NDUFA11: variants seen among roughly 807,000 people sequenced by gnomAD.
The protein encoded by NDUFA11 is NADH dehydrogenase [ubiquinone] 1 alpha subcomplex subunit 11.
In NDUFA11, 14 loss-of-function variants were observed where a neutral mutation model predicts 11.3. That is an observed-to-expected ratio of 1.24 (90% CI 0.82 to 1.94). The LOEUF (loss-of-function observed/expected upper bound fraction) is 1.94, where lower values mean the gene tolerates loss of function less well. Ranked by LOEUF, NDUFA11 falls within the 30% of genes most tolerant of loss-of-function variation. The pLI, the probability that NDUFA11 is intolerant of heterozygous loss-of-function variation, is 0.00. For missense variants in NDUFA11, 204 were observed against 200.3 expected, an observed-to-expected ratio of 1.02 and a Z score of -0.11; for synonymous variants, 87 against 85.6, an observed-to-expected ratio of 1.02 and a Z score of -0.09.
rs948837593 is a variant in NDUFA11, at chr19:5,903,620, C to G, written c.89G>C (p.Ser30Thr). 6.4e-7 allele frequency: 1 copy of G among 1,550,778 alleles called. No homozygotes were observed. Among genetic ancestry groups the G allele is most frequent in the African/African-American group, 1.4e-5 (1 of 73,050 alleles). ...RKAYSTTSIA[S>T]VAGLTAAAYR... ...GCCCGGCCGGCGCTCACCAGCGACG[C>G]TGGCAATACTGGTGGTGCTGTAGGC... is the stretch of plus-strand genomic sequence containing the variant. Residue 30 changes from serine to threonine, a missense_variant, in exon 1 of 4, where the codon AGC becomes ACC. Ser to Thr is a moderately conservative substitution (Grantham distance 58). Transcript: ENST00000308961.
downstream of NDUFA11, chr19:5,891,519 G>A: frequency 6.6e-6 from 1 of 152,388 alleles, no homozygotes; most frequent in Non-Finnish European, 1.5e-5. Flanking sequence ...GCCTCCCAAA[G>A]TACTGGGATT....
chr19:5,896,996 G>T lies in NDUFA11; in HGVS notation c.99C>A (p.Gly33=), dbSNP rs966856474. 4 of 1,613,698 alleles carry T rather than the reference G, an allele frequency of 2.5e-6. No individual in the cohort carries two copies. The highest frequency in any genetic ancestry group is 3.4e-6 in the Non-Finnish European group (4 of 1,179,710). Residue 33 remains glycine (G), a splice_region_variant and synonymous_variant, in exon 2 of 4, where the codon GGC becomes GGA. Coordinates refer to ENST00000308961, the MANE Select transcript of NDUFA11 (RefSeq NM_175614.5). This position sits in a 1 kb window ranked among gnomAD's most constrained non-coding sequence, Gnocchi z 5.8. Reference sequence around the variant, plus strand: ...TGACTCTGTAGGCAGCGGCGGTCAGGCCTGCGAGACAGAGGAGGGAGGCTG... The same window carrying T: ...TGACTCTGTAGGCAGCGGCGGTCAGTCCTGCGAGACAGAGGAGGGAGGCTG... ...YSTTSIASVA[G]LTAAAYRVTL... is the part of the protein sequence containing the mutation.
rs985887880 is a variant in NDUFA11 at position 5,903,735 on chromosome 19, G to C, written c.-27C>G. Reference sequence around the variant, plus strand: ...GCCCGCAATCTCGATCCCGCACCACGGACCCCGCCAGCTCGGGAAGCGCAA... The same window carrying C: ...GCCCGCAATCTCGATCCCGCACCACCGACCCCGCCAGCTCGGGAAGCGCAA... On this transcript the variant is annotated 5_prime_UTR_variant, in exon 1 of 4. Coordinates refer to ENST00000308961, the MANE Select transcript of NDUFA11 (RefSeq NM_175614.5). The C allele has an allele frequency of 1.5e-5, 24 of 1,549,336 alleles. No individual in the cohort carries two copies. The highest frequency in any genetic ancestry group is 1.7e-4 in the Middle Eastern group (1 of 5,986).
In NDUFA11 at chr19:5,896,336, A is replaced by G; in HGVS notation, c.313+117T>C. ...GCTATGACTGAAATGGCTGGTGTTCAAGAAGGCTGCTTTACTTCTTGTCCG... is the reference window on the plus strand; with the variant it reads ...GCTATGACTGAAATGGCTGGTGTTCGAGAAGGCTGCTTTACTTCTTGTCCG... On this transcript the variant is annotated intron_variant, in intron 3 of 3. Transcript: ENST00000308961. The surrounding 1 kb of genome is among the most constrained non-coding windows in gnomAD (Gnocchi z 5.8). 8.1e-7 allele frequency: 1 copy of G among 1,236,666 alleles called. No individual in the cohort carries two copies. Among genetic ancestry groups the G allele is most frequent in the Non-Finnish European group, 1.1e-6 (1 of 900,816 alleles). 76.6% of individuals were successfully genotyped at this position (1,236,666 alleles called of 1,614,324 possible).
At chr19:5,894,163 AGCCCCAGGGGCTGCGAGTGACCT>A (rs1246446605), downstream of NDUFA11, among the ~76,000 whole-genome samples, 1 of 152,220 alleles carries the variant, frequency 6.6e-6, no homozygotes, top group Non-Finnish European at 1.5e-5. Flanking sequence ...GCTCTGCCCT[AGCCCCAGGGGCTGCGAGTGACCT>A]GCCGGATGGG....
downstream of NDUFA11, among the ~76,000 whole-genome samples, chr19:5,893,910 C>G (rs2057591965): frequency 6.6e-6 from 1 of 152,172 alleles, no homozygotes; most frequent in Non-Finnish European, 1.5e-5. This position sits in a 1 kb window ranked among gnomAD's most constrained non-coding sequence, Gnocchi z 4.1. Flanking sequence ...CAGGGCTGTG[C>G]ACAGCTCCGC....
intron 1 of NDUFA11, chr19:5,901,487 T>G: frequency 7.8e-7 from 1 of 1,276,892 alleles, no homozygotes; most frequent in Non-Finnish European, 1.0e-6. Context: ...AACGTCTGTC[T>G]TACTATTAAT....
chr19:5,893,661 C>T (rs1035781183), downstream of NDUFA11, among the ~76,000 whole-genome samples: 5 of 151,874 alleles, frequency 3.3e-5, no homozygotes, highest in African/African-American at 1.2e-4. This position sits in a 1 kb window ranked among gnomAD's most constrained non-coding sequence, Gnocchi z 4.1. Context: ...CCTGGCTACT[C>T]GGGAGGCTGA....
At chr19:5,892,779 G>A (rs955022937), downstream of NDUFA11, 29 of 1,161,216 alleles carry the variant, frequency 2.5e-5, 1 homozygote, top group African/African-American at 3.1e-5. Flanking sequence ...CGATGCCCGT[G>A]AGTGGATGGG....
downstream of NDUFA11, chr19:5,893,373 G>T: frequency 3.1e-6 from 2 of 645,272 alleles, no homozygotes; most frequent in South Asian, 3.8e-5. The surrounding 1 kb of genome is among the most constrained non-coding windows in gnomAD (Gnocchi z 4.1). Context: ...GCTGAGATGA[G>T]AGAGTCGCAT....
In NDUFA11 at chr19:5,903,596, C is replaced by T. The variant is rs201657749; in HGVS notation, c.97+16G>A. ...CGGCCTCGGCCCTCCACCCTCGGGG[C>T]CCGGCCGGCGCTCACCAGCGACGCT... is the stretch of plus-strand genomic sequence containing the variant. On this transcript the variant is annotated intron_variant, in intron 1 of 3. Transcript: ENST00000308961. 1.3e-6 allele frequency: 2 copies of T among 1,548,592 alleles called. No homozygotes were observed. The highest frequency in any genetic ancestry group is 2.7e-5 in the African/African-American group (2 of 73,168).
chr19:5,894,609 A>T, downstream of NDUFA11: 1 of 1,524,228 alleles, frequency 6.6e-7, no homozygotes, highest in Non-Finnish European at 8.8e-7. Context: ...TCCCTTCCTC[A>T]CTCCCTCCCA....
chr19:5,891,678 C>T (rs1030581460), downstream of NDUFA11: 1 of 152,476 alleles, frequency 6.6e-6, no homozygotes, highest in Non-Finnish European at 1.5e-5. Context: ...CCCCTGATCG[C>T]CCACTGCTCT....
downstream of NDUFA11, among the ~76,000 whole-genome samples, chr19:5,894,400 C>T (rs1410558022): frequency 1.3e-5 from 2 of 152,160 alleles, no homozygotes; most frequent in African/African-American, 4.8e-5. Context: ...TTTCCACTTG[C>T]TGGCAGGTCA....
chr19:5,894,098 G>C (rs569685584), downstream of NDUFA11, among the ~76,000 whole-genome samples: 2 of 152,212 alleles, frequency 1.3e-5, no homozygotes, highest in African/African-American at 4.8e-5. Flanking sequence ...GGAAGGGATC[G>C]CAATTCTTTC....
downstream of NDUFA11, chr19:5,894,625 G>A (rs565388626): frequency 1.5e-5 from 23 of 1,537,638 alleles, no homozygotes; most frequent in Admixed American, 2.2e-4. Flanking sequence ...TCCCAGATCC[G>A]CCCTCACCGG....
rs202197257 is a variant in NDUFA11, at chr19:5,894,747, C to T, written c.421G>A (p.Val141Met). Reference protein sequence around the residue: ...EGWEVFAKPKV With the variant: ...EGWEVFAKPKM Reference sequence around the variant, plus strand: ...GGTCCCGGCAGGCACAGGGCTCACACCTTGGGTTTTGCAAACACCTCCCAG... The same window carrying T: ...GGTCCCGGCAGGCACAGGGCTCACATCTTGGGTTTTGCAAACACCTCCCAG... Residue 141 changes from valine (V) to methionine (M), a missense_variant, in exon 4 of 4, where the codon GTG becomes ATG. Val to Met is a conservative substitution (Grantham distance 21, BLOSUM62 1). Coordinates refer to ENST00000308961, the MANE Select transcript of NDUFA11 (RefSeq NM_175614.5). 131 of 1,612,968 alleles carry T rather than the reference C, an allele frequency of 8.1e-5. No homozygotes were observed. Among genetic ancestry groups the T allele is most frequent in the Non-Finnish European group, 1.1e-4 (125 of 1,179,652 alleles).
chr19:5,902,419 A>C (rs2057651660), intron 1 of NDUFA11: 1 of 152,308 alleles, frequency 6.6e-6, no homozygotes, highest in Non-Finnish European at 1.5e-5. Context: ...ACGCACCATC[A>C]TGCCCAGCTA....
At chr19:5,899,451 CTTTTTTT>C (rs71172780) in intron 1 of NDUFA11, among the ~76,000 whole-genome samples, 12 of 68,836 alleles carry the variant, frequency 1.7e-4, no homozygotes, top group Admixed American at 4.4e-4. Context: ...CGCCCGGACT[CTTTTTTT>C]TTTTTTTTTT....
Sources: allele counts gnomAD v4.1 joint callset (sites outside exome capture counted in the v4.1 genomes callset), GRCh38; gene constraint gnomAD v4.1.1; non-coding constraint Gnocchi (gnomAD v3.1); transcripts MANE v1.5; gene names NCBI Gene and HGNC (gene_info 2026-07-23, HGNC 2026-07-21).